HPSE2: variants seen among roughly 807,000 people sequenced by gnomAD.
The protein encoded by HPSE2 is inactive heparanase-2.
In HPSE2, 38 loss-of-function variants were observed where a neutral mutation model predicts 60.5. The ratio of observed to expected loss-of-function variants is 0.63; its 90% confidence interval spans 0.48 to 0.82. The LOEUF (loss-of-function observed/expected upper bound fraction) is 0.82. Among genes scored for constraint, HPSE2 ranks in the 40% least tolerant of loss-of-function variants. The pLI is 0.00. For missense variants in HPSE2, 713 were observed against 740.4 expected (o/e 0.96, Z 0.43); for synonymous variants, 295 against 293.2 (o/e 1.01, Z -0.06).
At chr10:99,088,453 C>T (rs1843401845) in intron 3 of HPSE2, among the ~76,000 whole-genome samples, 1 of 152,070 alleles carries the variant, frequency 6.6e-6, no homozygotes, top group Admixed American at 6.5e-5. Context: ...GAGAACATAA[C>T]GTTTGGTTTT....
chr10:98,682,108 G>A (rs1227543072), intron 6 of HPSE2, among the ~76,000 whole-genome samples: 1 of 152,094 alleles, frequency 6.6e-6, no homozygotes, highest in Non-Finnish European at 1.5e-5. Context: ...TCATGGGGGC[G>A]GATTTCTCAT....
At chr10:98,493,545 C>T (rs766687054) in intron 9 of HPSE2, among the ~76,000 whole-genome samples, 1 of 151,890 alleles carries the variant, frequency 6.6e-6, no homozygotes, top group Non-Finnish European at 1.5e-5. Flanking sequence ...ATATAATTTC[C>T]TTCTTTGTCT....
Position 98,509,442 on chromosome 10 carries a change from A to G in HPSE2, c.1321-19246T>C, listed in dbSNP as rs185812970. On this transcript the variant is annotated intron_variant, in intron 9 of 11. Coordinates refer to ENST00000370552, the MANE Select transcript of HPSE2 (RefSeq NM_021828.5). ...GGGAGATATTTAAGAGATAGCATTG[A>G]TAAGATTTGGTGATTGACTGGATAT... Among the ~76,000 whole-genome samples, 12 of 152,344 alleles carry G rather than the reference A, an allele frequency of 7.9e-5. 1 individual carries two copies. The highest frequency in any genetic ancestry group is 2.4e-4 in the African/African-American group (10 of 41,578).
chr10:99,226,860 C>T (rs118016138), intron 2 of HPSE2, among the ~76,000 whole-genome samples: 296 of 152,170 alleles, frequency 1.9e-3, no homozygotes, highest in Non-Finnish European at 3.6e-3. Context: ...TAAGGTATCT[C>T]GCCTAAAGCA....
chr10:98,810,690 A>G (rs1390499372), intron 3 of HPSE2, among the ~76,000 whole-genome samples: 1 of 152,126 alleles, frequency 6.6e-6, no homozygotes, highest in Non-Finnish European at 1.5e-5. Flanking sequence ...CCTGGGCCAC[A>G]CTGGAAGAAG....
chr10:98,778,084 G>A (rs1441027545), intron 3 of HPSE2, among the ~76,000 whole-genome samples: 5 of 152,102 alleles, frequency 3.3e-5, no homozygotes, highest in East Asian at 1.9e-4. Flanking sequence ...CTTTCAGGGA[G>A]AGCCCCAAAT....
chr10:98,698,558 C>T (rs1004539759), intron 5 of HPSE2, among the ~76,000 whole-genome samples: 4 of 151,996 alleles, frequency 2.6e-5, no homozygotes, highest in African/African-American at 9.7e-5. Flanking sequence ...AAAATTGACA[C>T]CCTAACATCC....
At chr10:99,038,527 A>G (rs1246233374) in intron 3 of HPSE2, among the ~76,000 whole-genome samples, 3 of 152,170 alleles carry the variant, frequency 2.0e-5, no homozygotes, top group African/African-American at 7.2e-5. Flanking sequence ...GGGGAAGCAA[A>G]GAAGTAGGTG....
intron 2 of HPSE2, among the ~76,000 whole-genome samples, chr10:99,217,326 G>A (rs1029016939): frequency 5.3e-5 from 8 of 151,376 alleles, no homozygotes; most frequent in Admixed American, 2.0e-4. Context: ...ATCCACTGGC[G>A]ATTCAAATGC....
At position 99,066,703 on chromosome 10, in the gene HPSE2, C is replaced by T. The variant is rs998195556; in HGVS notation, c.610+77535G>A. 4.5e-4 allele frequency among the ~76,000 whole-genome samples: 68 copies of T among 152,138 alleles called. 2 individuals carry two copies. The highest frequency in any genetic ancestry group is 1.9e-4 in the East Asian group (1 of 5,190). ...TCTCCACCTGGTCCCACCCTTGACA[C>T]ACGGGGATTATCACAATTCAAGGTA... On this transcript the variant is annotated intron_variant, in intron 3 of 11. Transcript: ENST00000370552.
chr10:99,259,915 A>C, the HPSE2 span, among the ~76,000 whole-genome samples: 10 of 152,192 alleles, frequency 6.6e-5, no homozygotes, highest in Non-Finnish European at 1.5e-4. Flanking sequence ...CTAATGCCTC[A>C]TGATCTGAGG....
intron 3 of HPSE2, among the ~76,000 whole-genome samples, chr10:98,873,973 GCTT>G (rs546576771): frequency 2.6e-4 from 39 of 152,146 alleles, no homozygotes; most frequent in African/African-American, 9.4e-4. Context: ...GTGATTTTGA[GCTT>G]TTTTTCATAT....
chr10:98,627,579 A>G (rs1339859314), intron 7 of HPSE2, among the ~76,000 whole-genome samples: 2 of 152,192 alleles, frequency 1.3e-5, no homozygotes, highest in Non-Finnish European at 2.9e-5. Context: ...TGGTTCTATT[A>G]TTTACTTACT....
At chr10:98,759,578 C>T (rs890982090) in intron 3 of HPSE2, among the ~76,000 whole-genome samples, 3 of 151,942 alleles carry the variant, frequency 2.0e-5, no homozygotes, top group African/African-American at 4.8e-5. Context: ...TTCTCAGAAC[C>T]GTTGTTAAAG....
At chr10:98,578,513 T>C (rs895277341) in intron 9 of HPSE2, among the ~76,000 whole-genome samples, 2 of 152,200 alleles carry the variant, frequency 1.3e-5, no homozygotes, top group African/African-American at 4.8e-5. Flanking sequence ...AAGTATAATT[T>C]AGAATGACAG....
chr10:99,066,074 C>T (rs556327231), intron 3 of HPSE2, among the ~76,000 whole-genome samples: 2 of 152,058 alleles, frequency 1.3e-5, no homozygotes, highest in African/African-American at 4.8e-5. Flanking sequence ...ATGTTTGGGA[C>T]AAAACAGAAT....
intron 9 of HPSE2, among the ~76,000 whole-genome samples, chr10:98,606,918 C>T (rs545932490): frequency 5.6e-4 from 86 of 152,230 alleles, no homozygotes; most frequent in African/African-American, 2.0e-3. Context: ...CATCGTTGTG[C>T]CCTTAATGTT....
At chr10:98,675,715 CAG>C (rs1947623464) in intron 6 of HPSE2, among the ~76,000 whole-genome samples, 1 of 151,922 alleles carries the variant, frequency 6.6e-6, no homozygotes, top group African/African-American at 2.4e-5. Context: ...GCATGGGTGA[CAG>C]CATAAGACCC....
rs770429077 is a variant in HPSE2 at position 98,693,924 on chromosome 10, G to T, written c.980C>A (p.Thr327Lys). 1.7e-5 allele frequency: 27 copies of T among 1,613,014 alleles called. No homozygotes were observed. Among genetic ancestry groups the T allele is most frequent in the Non-Finnish European group, 2.1e-5 (25 of 1,179,126 alleles). The change falls in exon 6 of 12, where the codon ACA becomes AAA. Residue 327 changes from threonine (T) to lysine (K), a missense_variant. Physicochemically the swap from Thr to Lys is moderately conservative, Grantham distance 78. Transcript: ENST00000370552. ...LDGFMKVAGSTVDAVTWQHCY... is the reference protein window; with the variant it reads ...LDGFMKVAGSKVDAVTWQHCY... ...CTGTTGCCAGGTAACTGCATCTACT[G>T]TACTTCCTGCCACCTTCATGAATCT...
Sources: allele counts gnomAD v4.1 joint callset (sites outside exome capture counted in the v4.1 genomes callset), GRCh38; gene constraint gnomAD v4.1.1; transcripts MANE v1.5; gene names NCBI Gene and HGNC (gene_info 2026-07-23, HGNC 2026-07-21).